MOB3B: variants seen among roughly 807,000 people sequenced by gnomAD.
MOB3B encodes MOB kinase activator 3B, also known as MOB kinase activator-like 2B.
MOB3B carries 7 observed loss-of-function variants against 18.7 expected under a neutral mutation model. The ratio of observed to expected loss-of-function variants is 0.37; its 90% CI spans 0.21 to 0.70. MOB3B has a LOEUF of 0.70. Among genes scored for constraint, MOB3B ranks in the 30% least tolerant of loss-of-function variants. MOB3B has a pLI of 0.52. For missense variants in MOB3B, 253 were observed against 281.3 expected (o/e 0.90, Z 0.72); for synonymous variants, 111 against 99.9 (o/e 1.11, Z -0.66).
At chr9:27,391,838 T>C (rs1287984322) in intron 2 of MOB3B, 1 of 152,202 alleles carries the variant, frequency 6.6e-6, no homozygotes, top group African/African-American at 2.4e-5. Context: ...TTTTACTTAA[T>C]TTGATTTTGA....
chr9:27,521,187 C>G (rs1820319115), intron 1 of MOB3B, among the ~76,000 whole-genome samples: 1 of 152,222 alleles, frequency 6.6e-6, no homozygotes, highest in Non-Finnish European at 1.5e-5. Context: ...ATTCCTCCTT[C>G]TTCAGGACCT....
At chr9:27,424,065 T>C (rs1822294005) in intron 2 of MOB3B, among the ~76,000 whole-genome samples, 1 of 152,258 alleles carries the variant, frequency 6.6e-6, no homozygotes, top group African/African-American at 2.4e-5. Flanking sequence ...CAATACAGTG[T>C]AAATGTCTGT....
At position 27,330,629 on chromosome 9, in the gene MOB3B, G is replaced by C; in HGVS notation, c.622-13C>G. On this transcript the variant is annotated splice_polypyrimidine_tract_variant and intron_variant, in intron 3 of 3. Transcript: ENST00000262244. ...TCGTCATTTCTTTCTGGAAAGCAAG[G>C]GGAAAAGGATGGTTAGGAGAAACTA... 1 of 1,614,064 alleles carries C rather than the reference G, an allele frequency of 6.2e-7. No individual in the cohort carries two copies. The highest frequency in any genetic ancestry group is 8.5e-7 in the Non-Finnish European group (1 of 1,179,988).
intron 1 of MOB3B, among the ~76,000 whole-genome samples, chr9:27,458,571 T>A (rs1458527459): frequency 1.5e-5 from 2 of 130,120 alleles, no homozygotes; most frequent in Non-Finnish European, 3.3e-5. Flanking sequence ...AGGTCGAGGC[T>A]GCAGTGAGCC....
chr9:27,374,212 AAGT>A (rs1006781975), intron 2 of MOB3B, among the ~76,000 whole-genome samples: 16 of 87,760 alleles, frequency 1.8e-4, no homozygotes, highest in African/African-American at 7.5e-4. Context: ...AATCTGTCTG[AAGT>A]ATTTTTTTTT....
Position 27,529,599 on chromosome 9 carries a change from C to G in MOB3B, c.-243G>C. On this transcript the variant is annotated 5_prime_UTR_variant, in exon 1 of 4. Transcript: ENST00000262244. Reference sequence around the variant, plus strand: ...CCCAGGGCCCGGTCGGCTCCCTTCGCCGGGTCAGCTGCAGCCAGCGCGAAA... The same window carrying G: ...CCCAGGGCCCGGTCGGCTCCCTTCGGCGGGTCAGCTGCAGCCAGCGCGAAA... 1 of 985,768 alleles carries G rather than the reference C, an allele frequency of 1.0e-6. No homozygotes were observed. The highest frequency in any genetic ancestry group is 1.2e-6 in the Non-Finnish European group (1 of 830,226). The allele number at this position is 985,768 out of a possible 1,614,324, so 61.1% of individuals were successfully genotyped here.
At chr9:27,336,019 CA>C (rs1820857810) in intron 3 of MOB3B, among the ~76,000 whole-genome samples, 1 of 152,164 alleles carries the variant, frequency 6.6e-6, no homozygotes, top group African/African-American at 2.4e-5. Context: ...TCTACAGACC[CA>C]AGTAAAATGA....
At chr9:27,511,700 C>G (rs983722347) in intron 1 of MOB3B, among the ~76,000 whole-genome samples, 3 of 152,148 alleles carry the variant, frequency 2.0e-5, no homozygotes, top group Admixed American at 1.3e-4. Context: ...AAAGAAATCA[C>G]TAGAAAGCTG....
intron 1 of MOB3B, among the ~76,000 whole-genome samples, chr9:27,465,320 C>T (rs1819364915): frequency 6.6e-6 from 1 of 152,208 alleles, no homozygotes. Context: ...CCAAAATGAT[C>T]TCCTTTGACT....
intron 2 of MOB3B, among the ~76,000 whole-genome samples, chr9:27,449,793 T>A (rs1822754471): frequency 1.3e-5 from 2 of 152,142 alleles, no homozygotes; most frequent in South Asian, 4.1e-4. Context: ...CTGGCCAAGA[T>A]GGCAAAACCC....
intron 1 of MOB3B, among the ~76,000 whole-genome samples, chr9:27,459,361 C>T (rs975528293): frequency 9.9e-5 from 15 of 152,174 alleles, no homozygotes; most frequent in African/African-American, 3.1e-4. Flanking sequence ...ATCTACTGGT[C>T]CATGGATGAC....
chr9:27,509,348 C>T lies in MOB3B; in HGVS notation c.-199+20207G>A, dbSNP rs543521213. On this transcript the variant is annotated intron_variant, in intron 1 of 3. Transcript: ENST00000262244. ...AGGAGGGAAGGAAATTCCCCAAATA[C>T]TTCAAGTTCCCCAAATTTAAAGAAG... Among the ~76,000 whole-genome samples, 5 of 152,204 alleles carry T rather than the reference C, an allele frequency of 3.3e-5. No individual in the cohort carries two copies. The East Asian group carries it at 9.7e-4, about 29-fold the overall frequency.
intron 1 of MOB3B, among the ~76,000 whole-genome samples, chr9:27,487,536 G>A (rs1819748387): frequency 6.6e-6 from 1 of 152,190 alleles, no homozygotes; most frequent in South Asian, 2.1e-4. Flanking sequence ...GAGACCTGGG[G>A]GGCCAGGGAG....
intron 1 of MOB3B, among the ~76,000 whole-genome samples, chr9:27,475,059 T>A (rs1293653642): frequency 6.6e-6 from 1 of 152,028 alleles, no homozygotes; most frequent in Non-Finnish European, 1.5e-5. Context: ...CACTGTGACC[T>A]CTCTTGCTCA....
rs748958619 is a variant in MOB3B, at chr9:27,330,599, C to T, written c.639G>A (p.Arg213=). ...ELEPLKEMTS[R]MCH is the part of the protein sequence containing the mutation. Reference sequence around the variant, plus strand: ...GTGAGGTGGAGCATTAGTGACACATCCTGCTCGTCATTTCTTTCTGGAAAG... The same window carrying T: ...GTGAGGTGGAGCATTAGTGACACATTCTGCTCGTCATTTCTTTCTGGAAAG... Residue 213 remains arginine (R), a synonymous_variant, in exon 4 of 4, where the codon AGG becomes AGA. Coordinates refer to ENST00000262244, the MANE Select transcript of MOB3B (RefSeq NM_024761.5). 1 of 1,613,946 alleles carries T rather than the reference C, an allele frequency of 6.2e-7. No individual in the cohort carries two copies. The highest frequency in any genetic ancestry group is 1.3e-5 in the African/African-American group (1 of 75,032).
At chr9:27,437,884 T>TATGC (rs1396333408) in intron 2 of MOB3B, among the ~76,000 whole-genome samples, 13 of 152,210 alleles carry the variant, frequency 8.5e-5, no homozygotes, top group Non-Finnish European at 1.3e-4. Flanking sequence ...ATGACTTTGC[T>TATGC]AAATCCTATT....
chr9:27,378,256 A>G (rs1359658668), intron 2 of MOB3B: 2 of 433,498 alleles, frequency 4.6e-6, no homozygotes, highest in Non-Finnish European at 9.6e-6. Context: ...GACTGAAAAG[A>G]CTGTGTGTGA....
At chr9:27,470,124 A>AAAAG (rs1819450194) in intron 1 of MOB3B, among the ~76,000 whole-genome samples, 1 of 150,588 alleles carries the variant, frequency 6.6e-6, no homozygotes, top group African/African-American at 2.4e-5. Context: ...GAAAAAAAAA[A>AAAAG]AAAAGAAAAG....
intron 2 of MOB3B, among the ~76,000 whole-genome samples, chr9:27,406,923 C>T (rs1821989243): frequency 6.6e-6 from 1 of 151,960 alleles, no homozygotes; most frequent in Admixed American, 6.6e-5. Flanking sequence ...ACTGCAACCT[C>T]CACCTTTTGG....
Sources: allele counts gnomAD v4.1 joint callset (sites outside exome capture counted in the v4.1 genomes callset), GRCh38; gene constraint gnomAD v4.1.1; transcripts MANE v1.5; gene names NCBI Gene and HGNC (gene_info 2026-07-23, HGNC 2026-07-21).